The following CCDC178 variants were observed in gnomAD, a reference collection of about 807,000 sequenced individuals.
CCDC178 encodes the protein coiled-coil domain containing 178.
In CCDC178, 126 loss-of-function variants were observed where a neutral mutation model predicts 117.4. The observed-to-expected ratio is 1.07, with a 90% CI of 0.93 to 1.24. The LOEUF is 1.24. CCDC178 is among the 50% of genes most tolerant of loss of function. The probability of loss-of-function intolerance (pLI) is 0.00; values close to 1 mark genes in which losing one functional copy is unlikely to be tolerated. For synonymous variants in CCDC178, 283 were observed against 313.4 expected (o/e 0.90, Z 1.02); for missense variants, 1,030 against 986.9 (o/e 1.04, Z -0.59).
chr18:33,400,883 A>G (rs962016916), intron 3 of CCDC178, among the ~76,000 whole-genome samples: 5 of 152,188 alleles, frequency 3.3e-5, no homozygotes, highest in Non-Finnish European at 5.9e-5. Context: ...TTTCTCACTA[A>G]GTTTAATCAT....
rs1300207013 is a variant in CCDC178, at chr18:33,108,027, A to G, written c.2239-15117T>C. ...TGAAGTTTTTTTATCCATTTTTGTC[A>G]AAAGACTTAGGATGTTTGTCATGGT... On this transcript the variant is annotated intron_variant, in intron 20 of 22. Transcript: ENST00000383096. Among the ~76,000 whole-genome samples the G allele has an allele frequency of 8.6e-5, 13 of 151,636 alleles. No individual in the cohort carries two copies. In the Admixed American group the frequency reaches 8.6e-4, roughly 10 times the overall value.
At position 33,158,916 on chromosome 18, in the gene CCDC178, A is replaced by G. The variant is rs142736643; in HGVS notation, c.2238+52980T>C. ...TTTTAAAGGTACGTTAGTTATTAAAAATACATCATTTGAATGCAGTAGGTT... is the reference window on the plus strand; with the variant it reads ...TTTTAAAGGTACGTTAGTTATTAAAGATACATCATTTGAATGCAGTAGGTT... On this transcript the variant is annotated intron_variant, in intron 20 of 22. Transcript: ENST00000383096. 2.4e-3 allele frequency among the ~76,000 whole-genome samples: 369 copies of G among 152,260 alleles called. 3 individuals are homozygous for G. Among genetic ancestry groups the G allele is most frequent in the Admixed American group, 2.7e-3 (42 of 15,296 alleles).
chr18:33,314,052 T>G (rs901523630), intron 11 of CCDC178, among the ~76,000 whole-genome samples: 2 of 149,530 alleles, frequency 1.3e-5, no homozygotes, highest in Non-Finnish European at 3.0e-5. Context: ...TACAAAAAAA[T>G]TAGCCGGGCG....
intron 20 of CCDC178, among the ~76,000 whole-genome samples, chr18:33,148,464 C>T (rs80274944): frequency 6.7e-6 from 1 of 148,156 alleles, no homozygotes; most frequent in Admixed American, 6.7e-5. Flanking sequence ...AGAGGGAGAC[C>T]GTGGGGAGAG....
At chr18:33,251,852 T>C (rs2059621709) in intron 14 of CCDC178, among the ~76,000 whole-genome samples, 1 of 151,756 alleles carries the variant, frequency 6.6e-6, no homozygotes, top group South Asian at 2.1e-4. Flanking sequence ...CACATTCAGC[T>C]GCTAGGAAAA....
At chr18:33,063,847 A>G (rs368810738) in intron 21 of CCDC178, among the ~76,000 whole-genome samples, 5 of 152,348 alleles carry the variant, frequency 3.3e-5, no homozygotes, top group African/African-American at 1.2e-4. Context: ...CCTGGCATTC[A>G]CATTTTCAGC....
chr18:32,995,301 T>C (rs1461281936), intron 21 of CCDC178, among the ~76,000 whole-genome samples: 1 of 152,200 alleles, frequency 6.6e-6, no homozygotes, highest in African/African-American at 2.4e-5. Flanking sequence ...GCAATTGTTA[T>C]TTAAGTTTAT....
intron 11 of CCDC178, among the ~76,000 whole-genome samples, chr18:33,296,117 T>G (rs2062103126): frequency 6.6e-6 from 1 of 152,146 alleles, no homozygotes; most frequent in Non-Finnish European, 1.5e-5. Flanking sequence ...AGGAATGAAC[T>G]CTTAATACCT....
intron 20 of CCDC178, among the ~76,000 whole-genome samples, chr18:33,115,367 C>T (rs149622779): frequency 1.3e-5 from 2 of 151,934 alleles, no homozygotes; most frequent in South Asian, 4.2e-4. Context: ...TGTTTAGAAG[C>T]CTTATTGTAA....
chr18:33,250,038 G>A (rs2059600951), intron 14 of CCDC178, among the ~76,000 whole-genome samples: 2 of 151,566 alleles, frequency 1.3e-5, no homozygotes, highest in African/African-American at 4.8e-5. Flanking sequence ...CAATTGTGAA[G>A]GGAGTTCCCT....
chr18:33,275,698 G>A (rs1400813424), intron 12 of CCDC178, among the ~76,000 whole-genome samples: 1 of 143,986 alleles, frequency 6.9e-6, no homozygotes, highest in Non-Finnish European at 1.5e-5. Flanking sequence ...GAGGGGAAGC[G>A]GGGAGAGAAG....
chr18:33,411,214 C>T (rs2063847816), intron 3 of CCDC178, among the ~76,000 whole-genome samples: 1 of 152,176 alleles, frequency 6.6e-6, no homozygotes, highest in South Asian at 2.1e-4. Flanking sequence ...ATAACTGATA[C>T]AAAGACTACC....
intron 5 of CCDC178, among the ~76,000 whole-genome samples, chr18:33,379,412 G>C (rs1469620535): frequency 6.6e-6 from 1 of 151,862 alleles, no homozygotes; most frequent in African/African-American, 2.4e-5. Flanking sequence ...AACGTTGCTG[G>C]GTATACACTT....
chr18:33,160,746 T>G (rs918588003), intron 20 of CCDC178, among the ~76,000 whole-genome samples: 2 of 152,144 alleles, frequency 1.3e-5, no homozygotes, highest in African/African-American at 2.4e-5. Context: ...TAAGTGTTTC[T>G]GTTTTATAGG....
intron 5 of CCDC178, among the ~76,000 whole-genome samples, chr18:33,383,554 T>C (rs989757468): frequency 2.6e-5 from 4 of 151,992 alleles, no homozygotes; most frequent in Non-Finnish European, 4.4e-5. Flanking sequence ...CATCCTCCAC[T>C]GGTGCTACCC....
At chr18:33,248,045 A>C (rs963931236) in intron 14 of CCDC178, among the ~76,000 whole-genome samples, 13 of 151,900 alleles carry the variant, frequency 8.6e-5, no homozygotes, top group African/African-American at 2.2e-4. Context: ...CATTATAAAA[A>C]TAAAAAATCT....
intron 20 of CCDC178, among the ~76,000 whole-genome samples, chr18:33,174,927 T>C (rs2058645832): frequency 1.3e-5 from 2 of 152,160 alleles, no homozygotes; most frequent in Admixed American, 1.3e-4. Flanking sequence ...TGATCTCAGC[T>C]CACTGCAACC....
intron 11 of CCDC178, among the ~76,000 whole-genome samples, chr18:33,311,553 G>A (rs2062342185): frequency 6.6e-6 from 1 of 152,202 alleles, no homozygotes; most frequent in Non-Finnish European, 1.5e-5. Flanking sequence ...TGAAGACCTA[G>A]GAGACTAGGA....
At chr18:33,346,543 C>A in intron 8 of CCDC178, 132 bp from the exon 9 acceptor site, 1 of 417,714 alleles carries the variant, frequency 2.4e-6, no homozygotes, top group Non-Finnish European at 4.0e-6. Context: ...AATGAATTAC[C>A]TTTTAAAAAA....
Sources: allele counts gnomAD v4.1 joint callset (sites outside exome capture counted in the v4.1 genomes callset), GRCh38; gene constraint gnomAD v4.1.1; transcripts MANE v1.5; gene names NCBI Gene and HGNC (gene_info 2026-07-23, HGNC 2026-07-21).